TAF4B: variants seen among roughly 807,000 people sequenced by gnomAD.
TAF4B encodes the protein transcription initiation factor TFIID subunit 4B.
A neutral mutation model predicts 86.4 loss-of-function variants in TAF4B; 38 were observed. The ratio of observed to expected loss-of-function variants is 0.44; its 90% CI spans 0.34 to 0.58. The LOEUF (loss-of-function observed/expected upper bound fraction) is 0.58, where lower values mean the gene tolerates loss of function less well. Ranked by LOEUF, TAF4B falls within the 20% of genes least tolerant of loss-of-function variation. The pLI is 0.02. For missense variants in TAF4B, 988 were observed against 1,027.6 expected (o/e 0.96, Z 0.53); for synonymous variants, 388 against 391.2 (o/e 0.99, Z 0.10).
chr18:26,385,163 AAAG>A (rs1307695806), intron 14 of TAF4B, among the ~76,000 whole-genome samples: 2 of 152,202 alleles, frequency 1.3e-5, no homozygotes, highest in African/African-American at 4.8e-5. Context: ...AAATGTGGAA[AAAG>A]AAGTAGAAAA....
chr18:26,311,389 T>G (rs1382540386), intron 9 of TAF4B, among the ~76,000 whole-genome samples: 1 of 151,894 alleles, frequency 6.6e-6, no homozygotes, highest in African/African-American at 2.4e-5. Flanking sequence ...AATCCCAGCA[T>G]TTTGGGAGGC....
chr18:26,299,547 A>C (rs2056706072), intron 9 of TAF4B, among the ~76,000 whole-genome samples: 1 of 152,098 alleles, frequency 6.6e-6, no homozygotes, highest in South Asian at 2.1e-4. Flanking sequence ...AAAAAAAATG[A>C]GTCATAGTCT....
intron 13 of TAF4B, among the ~76,000 whole-genome samples, chr18:26,338,470 ATTTTTT>A (rs764826705): frequency 9.8e-5 from 7 of 71,188 alleles, no homozygotes; most frequent in East Asian, 5.3e-4. Context: ...AAGAACTAGA[ATTTTTT>A]TTTTTTTTTT....
At chr18:26,244,927 A>G (rs1201833018) in intron 1 of TAF4B, among the ~76,000 whole-genome samples, 1 of 152,180 alleles carries the variant, frequency 6.6e-6, no homozygotes, top group Non-Finnish European at 1.5e-5. Context: ...TCACTGCTGC[A>G]GGGTCAACCA....
intron 1 of TAF4B, among the ~76,000 whole-genome samples, chr18:26,259,432 C>T (rs370487411): frequency 3.3e-5 from 5 of 151,998 alleles, no homozygotes; most frequent in East Asian, 1.9e-4. Context: ...ATCCCTCCCC[C>T]CTCCTCCCAC....
At chr18:26,330,456 A>G (rs1055978057) in intron 12 of TAF4B, among the ~76,000 whole-genome samples, 5 of 152,136 alleles carry the variant, frequency 3.3e-5, no homozygotes, top group African/African-American at 1.2e-4. Context: ...CTCTAGCCCC[A>G]AATTCAGCCA....
At chr18:26,284,512 A>G (rs1337180233) in intron 6 of TAF4B, among the ~76,000 whole-genome samples, 1 of 152,216 alleles carries the variant, frequency 6.6e-6, no homozygotes. Context: ...ATGAAAAGGC[A>G]CAACCTATTA....
rs113553378 is a variant in TAF4B, at chr18:26,265,177, T to G, written c.351T>G (p.Val117=). The G allele has an allele frequency of 1.2e-6, 2 of 1,610,896 alleles. No homozygotes were observed. Among genetic ancestry groups the G allele is most frequent in the African/African-American group, 1.3e-5 (1 of 74,720 alleles). ...TTTCTTTTTTAAATATAGGAACCGT[T>G]TTGATTAAAAGTAACAGTGGTCCGT... ...PANLQLPPGT[V]LIKSNSGPLM... Residue 117 remains valine (V), a synonymous_variant, in exon 2 of 15, where the codon GTT becomes GTG. Transcript: ENST00000269142.
At chr18:26,318,169 G>A (rs2056930604) in intron 10 of TAF4B, among the ~76,000 whole-genome samples, 1 of 152,096 alleles carries the variant, frequency 6.6e-6, no homozygotes, top group Non-Finnish European at 1.5e-5. Flanking sequence ...AAGTAGCTGG[G>A]ACTACAGGTG....
At position 26,227,556 on chromosome 18, in the gene TAF4B, A is replaced by C. The variant is rs375051806; in HGVS notation, c.343+280A>C. ...TTAGGTGGAGGAGATAATATAGCCG[A>C]AGTTAATTTCCATGTGGAGGATGGA... On this transcript the variant is annotated intron_variant, in intron 1 of 14. Coordinates refer to ENST00000269142, the MANE Select transcript of TAF4B (RefSeq NM_005640.3). Among the ~76,000 whole-genome samples the C allele has an allele frequency of 4.6e-5, 7 of 152,312 alleles. No homozygotes were observed. In the East Asian group the frequency reaches 1.3e-3, roughly 29 times the overall value.
At chr18:26,232,631 A>G (rs1568090801) in intron 1 of TAF4B, among the ~76,000 whole-genome samples, 1 of 152,156 alleles carries the variant, frequency 6.6e-6, no homozygotes, top group South Asian at 2.1e-4. Flanking sequence ...CTTTTCCTAT[A>G]AACACCTGGT....
At chr18:26,252,766 CAT>C (rs2056025188) in intron 1 of TAF4B, among the ~76,000 whole-genome samples, 1 of 151,052 alleles carries the variant, frequency 6.6e-6, no homozygotes, top group South Asian at 2.1e-4. Flanking sequence ...ATGCTGGTGG[CAT>C]ATTTTTTTAT....
chr18:26,227,917 G>C (rs987841365), intron 1 of TAF4B, among the ~76,000 whole-genome samples: 1 of 152,230 alleles, frequency 6.6e-6, no homozygotes, highest in Admixed American at 6.5e-5. Context: ...GAATAATGCT[G>C]TTCCTGCACA....
chr18:26,239,600 C>T (rs1267542454), intron 1 of TAF4B, among the ~76,000 whole-genome samples: 1 of 152,198 alleles, frequency 6.6e-6, no homozygotes, highest in Non-Finnish European at 1.5e-5. Flanking sequence ...AATAAGATCC[C>T]ATTTGTCAAT....
chr18:26,274,604 G>T, intron 3 of TAF4B, 59 bp from the exon 4 acceptor site: 2 of 1,582,748 alleles, frequency 1.3e-6, no homozygotes, highest in Non-Finnish European at 1.7e-6. Flanking sequence ...TGTGAAATGA[G>T]GCACCCACTA....
Position 26,269,952 on chromosome 18 carries a change from G to A in TAF4B, c.597+2329G>A, listed in dbSNP as rs372992862. 4.6e-5 allele frequency among the ~76,000 whole-genome samples: 7 copies of A among 152,076 alleles called. No homozygotes were observed. In the East Asian group the frequency reaches 1.2e-3, roughly 25 times the overall value. On this transcript the variant is annotated intron_variant, in intron 3 of 14. Coordinates refer to ENST00000269142, the MANE Select transcript of TAF4B (RefSeq NM_005640.3). ...TATTGGGCCAAAGAATATAAATTTA[G>A]GCCTATTGATAGCTACTATCATATT... is the stretch of plus-strand genomic sequence containing the variant.
intron 13 of TAF4B, among the ~76,000 whole-genome samples, chr18:26,355,086 G>A (rs1324673529): frequency 6.6e-6 from 1 of 152,110 alleles, no homozygotes; most frequent in Non-Finnish European, 1.5e-5. Flanking sequence ...GTGATTTATA[G>A]TGTAGAAATA....
At chr18:26,233,415 C>G (rs570216488) in intron 1 of TAF4B, among the ~76,000 whole-genome samples, 4 of 152,092 alleles carry the variant, frequency 2.6e-5, no homozygotes, top group Non-Finnish European at 5.9e-5. Flanking sequence ...TGACAAAACC[C>G]GGACTGTTTG....
At chr18:26,347,862 A>G (rs1299274510) in intron 13 of TAF4B, among the ~76,000 whole-genome samples, 1 of 152,256 alleles carries the variant, frequency 6.6e-6, no homozygotes, top group African/African-American at 2.4e-5. Context: ...TGGCAAGAAC[A>G]TATAACAATT....
Sources: gnomAD v4.1 joint callset for allele counts (sites outside exome capture counted in the v4.1 genomes callset) on GRCh38, gnomAD v4.1.1 for gene constraint, MANE v1.5 for transcripts, NCBI Gene and HGNC (gene_info 2026-07-23, HGNC 2026-07-21) for gene names.